NOX1: variants seen among roughly 807,000 people sequenced by gnomAD.
The protein encoded by NOX1 is NADH/NADPH mitogenic oxidase subunit P65-MOX.
Under a neutral mutation model 42.5 loss-of-function variants are expected in NOX1, and 34 were observed. That is an observed-to-expected ratio of 0.80 (90% CI 0.61 to 1.07). The LOEUF (loss-of-function observed/expected upper bound fraction) is 1.07, where lower values mean the gene tolerates loss of function less well. NOX1 is among the 50% of genes least tolerant of loss of function. The pLI is 0.00. For missense variants in NOX1, 408 were observed against 427.0 expected (o/e 0.96, Z 0.39); for synonymous variants, 143 against 152.5 (o/e 0.94, Z 0.46).
intron 7 of NOX1, among the ~76,000 whole-genome samples, chrX:100,853,233 T>TTCCTTCC (rs1569445380): frequency 9.7e-6 from 1 of 103,137 alleles, no homozygotes; most frequent in Admixed American, 1.0e-4. Flanking sequence ...CTTTCTTTCT[T>TTCCTTCC]TTTCTTTCTT....
intron 7 of NOX1, among the ~76,000 whole-genome samples, chrX:100,858,344 T>C (rs979892875): frequency 3.6e-5 from 4 of 112,300 alleles, no homozygotes; most frequent in African/African-American, 1.3e-4. Context: ...CCTTGTATAG[T>C]TTGAAGTTGG....
intron 7 of NOX1, chrX:100,855,410 G>T: frequency 1.6e-6 from 1 of 627,910 alleles, no homozygotes; most frequent in East Asian, 3.2e-5. Flanking sequence ...CTGCCCCAAA[G>T]TTTCCTCCCT....
intron 2 of NOX1, 96 bp from the exon 3 acceptor site, chrX:100,863,691 G>A (rs1294981650): frequency 7.2e-6 from 8 of 1,107,358 alleles, no homozygotes; most frequent in Non-Finnish European, 8.3e-6. Flanking sequence ...GCCTGCAAAT[G>A]AACAGGGCTA....
chrX:100,862,702 A>AC lies in NOX1; in HGVS notation c.455dup (p.Ser153PhefsTer42), dbSNP rs751114611. The AC allele has an allele frequency of 5.9e-6, 7 of 1,193,778 alleles. No individual in the cohort carries two copies. Among genetic ancestry groups the AC allele is most frequent in the Middle Eastern group, 2.3e-4 (1 of 4,271 alleles). On this transcript the variant is annotated frameshift_variant, in exon 5 of 13. Coordinates refer to ENST00000372966, the MANE Select transcript of NOX1 (RefSeq NM_007052.5). LOFTEE classifies it high-confidence loss of function. The stretch of plus-strand genomic sequence containing the variant: ...GGGACTGGATGGGATTTAGCCAAGA[A>AC]CCCCCCTTTTTCTCATCATGAGATA...
chrX:100,853,261 CCTTTCTTTCTTTCTTTCTTT>C lies in NOX1; in HGVS notation c.805-1956_805-1937del, dbSNP rs1177925812. On this transcript the variant is annotated intron_variant, in intron 7 of 12. Transcript: ENST00000372966. Reference sequence around the variant, plus strand: ...TCTTTCTTTCCTTCCTTCCTTCCTTCCTTTCTTTCTTTCTTTCTTTCTTTCTTTCTTTCTTTCTTTCTTTC... The same window carrying C: ...TCTTTCTTTCCTTCCTTCCTTCCTTCCTTTCTTTCTTTCTTTCTTTCTTTC... Among the ~76,000 whole-genome samples the C allele has an allele frequency of 2.6e-4, 6 of 23,450 alleles. 1 individual carries two copies. The South Asian group carries it at 5.5e-3, about 22-fold the overall frequency. 20.4% of individuals were successfully genotyped at this position (23,450 alleles called of 115,157 possible). A position where few individuals can be genotyped will look rare whatever the true frequency, so the allele number is the denominator to read the frequency against.
chrX:100,864,796 G>A (rs1329807583), intron 2 of NOX1, among the ~76,000 whole-genome samples: 1 of 112,055 alleles, frequency 8.9e-6, no homozygotes, highest in Non-Finnish European at 1.9e-5. Flanking sequence ...ATGAACTTGG[G>A]ACTGCTATGG....
intron 7 of NOX1, among the ~76,000 whole-genome samples, 175 bp from the exon 8 acceptor site, chrX:100,851,500 C>T (rs769099600): frequency 5.4e-5 from 6 of 112,120 alleles, no homozygotes; most frequent in East Asian, 2.8e-4. Flanking sequence ...ACAATGGTTT[C>T]GTTTGCTAAT....
chrX:100,868,826 T>G (rs2085255214), intron 2 of NOX1, among the ~76,000 whole-genome samples: 1 of 111,687 alleles, frequency 9.0e-6, no homozygotes. Context: ...CCATCTTGAA[T>G]TGATTTTTGT....
intron 1 of NOX1, among the ~76,000 whole-genome samples, chrX:100,871,049 A>G (rs112045965): frequency 1.2e-4 from 13 of 112,377 alleles, no homozygotes; most frequent in African/African-American, 4.2e-4. Context: ...ATGGCCCATT[A>G]CCTGTTTTGC....
chrX:100,846,531 TTC>T (rs1266697662), intron 12 of NOX1, among the ~76,000 whole-genome samples: 1 of 111,370 alleles, frequency 9.0e-6, no homozygotes, highest in Non-Finnish European at 1.9e-5. Flanking sequence ...GTGACACCAC[TTC>T]TCTGTGTACT....
At position 100,850,342 on chromosome X, in the gene NOX1, C is replaced by CTTGT. The variant is rs747275050; in HGVS notation, c.938_941dup (p.Arg315GlnfsTer15). 3.2e-5 allele frequency: 39 copies of CTTGT among 1,201,406 alleles called. No individual in the cohort carries two copies. The South Asian group carries it at 6.9e-4, about 21-fold the overall frequency. ...GCCCCACTTCCATGCTGAAGCCACG[C>CTTGT]TTGTTCATCTGCAATTCCAAAACTT... On this transcript the variant is annotated frameshift_variant, in exon 9 of 13. Transcript: ENST00000372966. LOFTEE classifies it high-confidence loss of function.
intron 7 of NOX1, among the ~76,000 whole-genome samples, chrX:100,861,871 T>A (rs1473586545): frequency 3.6e-5 from 4 of 112,520 alleles, no homozygotes; most frequent in African/African-American, 1.3e-4. Context: ...ATCCATATTA[T>A]GCAGCAAGGC....
At chrX:100,853,541 C>T (rs1338434848) in intron 7 of NOX1, among the ~76,000 whole-genome samples, 1 of 105,586 alleles carries the variant, frequency 9.5e-6, no homozygotes, top group Non-Finnish European at 1.9e-5. Flanking sequence ...GCTAAAACTA[C>T]AGGCATGCAC....
In NOX1 at chrX:100,843,722, G is replaced by A; in HGVS notation, c.*230C>T. 1 of 401,524 alleles carries A rather than the reference G, an allele frequency of 2.5e-6. No homozygotes were observed. Among genetic ancestry groups the A allele is most frequent in the Non-Finnish European group, 4.2e-6 (1 of 237,186 alleles). The allele number at this position is 401,524 out of a possible 1,213,427, so 33.1% of individuals were successfully genotyped here. ...GAAAGATTTACAGTTATTTTTCTGA[G>A]AAAGGATCCATGGGCTTTAAGAACT... On this transcript the variant is annotated 3_prime_UTR_variant, in exon 13 of 13. Transcript: ENST00000372966.
chrX:100,849,727 C>T (rs2085099460), intron 10 of NOX1, 45 bp downstream of exon 10: 2 of 1,146,767 alleles, frequency 1.7e-6, no homozygotes, highest in East Asian at 6.0e-5. Context: ...AGGCAATAGA[C>T]TTGTCAGACT....
intron 12 of NOX1, among the ~76,000 whole-genome samples, chrX:100,845,037 C>A (rs888659482): frequency 3.6e-5 from 4 of 111,394 alleles, no homozygotes; most frequent in African/African-American, 1.3e-4. Flanking sequence ...TTCTCTCCCC[C>A]TCTTTTTTAA....
intron 2 of NOX1, among the ~76,000 whole-genome samples, chrX:100,864,616 G>A (rs916214422): frequency 8.9e-6 from 1 of 112,008 alleles, no homozygotes; most frequent in Non-Finnish European, 1.9e-5. Flanking sequence ...ACCTGATCCA[G>A]CAGTAGAAGC....
intron 12 of NOX1, among the ~76,000 whole-genome samples, chrX:100,848,366 T>C (rs1247751039): frequency 1.8e-5 from 2 of 111,148 alleles, no homozygotes; most frequent in East Asian, 5.7e-4. Context: ...TCTCAGCTCA[T>C]TGCAACCTCT....
chrX:100,850,038 A>G, intron 9 of NOX1, 104 bp from the exon 10 acceptor site: 1 of 976,699 alleles, frequency 1.0e-6, no homozygotes, highest in Non-Finnish European at 1.4e-6. Context: ...ACTTCTGCAT[A>G]TTTATTATAA....
Sources: allele counts gnomAD v4.1 joint callset (sites outside exome capture counted in the v4.1 genomes callset), GRCh38; gene constraint gnomAD v4.1.1; transcripts MANE v1.5; gene names NCBI Gene and HGNC (gene_info 2026-07-23, HGNC 2026-07-21).